FHL5: variants seen among roughly 807,000 people sequenced by gnomAD.
The protein encoded by FHL5 is four and a half LIM domains 5.
A neutral mutation model predicts 32.0 loss-of-function variants in FHL5; 33 were observed. The ratio of observed to expected loss-of-function variants is 1.03; its 90% CI spans 0.78 to 1.38. The LOEUF (loss-of-function observed/expected upper bound fraction) is 1.38, where lower values mean the gene tolerates loss of function less well. Among genes scored for constraint, FHL5 ranks in the 40% most tolerant of loss-of-function variants. The pLI is 0.00. For synonymous variants in FHL5, 114 were observed against 113.6 expected (o/e 1.00, Z -0.02); for missense variants, 336 against 343.9 (o/e 0.98, Z 0.18).
intron 1 of FHL5, among the ~76,000 whole-genome samples, chr6:96,584,507 GA>G (rs2127964259): frequency 1.3e-5 from 2 of 151,494 alleles, no homozygotes; most frequent in South Asian, 4.2e-4. Context: ...CTGGGGTGGG[GA>G]AAGGGCTGGA....
In FHL5 at chr6:96,573,146, G is replaced by A. The variant is rs371456123; in HGVS notation, c.-13+9791G>A. ...CATATTTTCATTCATTTATTGATCAGTTAGATCAAGCCAATATAAACCTAC... is the reference window on the plus strand; with the variant it reads ...CATATTTTCATTCATTTATTGATCAATTAGATCAAGCCAATATAAACCTAC... On this transcript the variant is annotated intron_variant, in intron 1 of 5. Transcript: ENST00000450218. 8.1e-4 allele frequency among the ~76,000 whole-genome samples: 124 copies of A among 152,188 alleles called. No homozygotes were observed. The South Asian group carries it at 0.024, about 30-fold the overall frequency.
chr6:96,617,989 G>T lies in FHL5; in HGVS notation c.*2217G>T, dbSNP rs112680291. ...AAAGTTAGAGCTTATACTGTTGTGGGTCTGGAGTTGTAGGAGGATGGATCA... is the reference window on the plus strand; with the variant it reads ...AAAGTTAGAGCTTATACTGTTGTGGTTCTGGAGTTGTAGGAGGATGGATCA... On this transcript the variant is annotated 3_prime_UTR_variant, in exon 6 of 6. Coordinates refer to ENST00000450218, the MANE Select transcript of FHL5 (RefSeq NM_001322466.2). Among the ~76,000 whole-genome samples the T allele has an allele frequency of 2.1e-3, 316 of 152,246 alleles. 1 individual carries two copies. Among genetic ancestry groups the T allele is most frequent in the African/African-American group, 4.8e-3 (199 of 41,544 alleles).
At chr6:96,612,256 A>G (rs1401311921) in intron 5 of FHL5, among the ~76,000 whole-genome samples, 1 of 152,216 alleles carries the variant, frequency 6.6e-6, no homozygotes, top group Non-Finnish European at 1.5e-5. Context: ...TAGTTAGAAA[A>G]TGGGACTTTC....
At chr6:96,566,873 T>C (rs997914035) in intron 1 of FHL5, among the ~76,000 whole-genome samples, 1 of 151,898 alleles carries the variant, frequency 6.6e-6, no homozygotes, top group African/African-American at 2.4e-5. Flanking sequence ...GCTCATTTTA[T>C]ATTATGAATA....
chr6:96,617,626 A>G lies in FHL5; in HGVS notation c.*1854A>G, dbSNP rs925831536. ...AACTAAATCTATGATATAGAAAATAATAGCACATTACACATAGAGAAAACC... is the reference window on the plus strand; with the variant it reads ...AACTAAATCTATGATATAGAAAATAGTAGCACATTACACATAGAGAAAACC... On this transcript the variant is annotated 3_prime_UTR_variant, in exon 6 of 6. Transcript: ENST00000450218. Among the ~76,000 whole-genome samples the G allele has an allele frequency of 1.6e-4, 24 of 152,222 alleles. No individual in the cohort carries two copies. The highest frequency in any genetic ancestry group is 1.6e-3 in the Admixed American group (24 of 15,290).
intron 1 of FHL5, among the ~76,000 whole-genome samples, chr6:96,600,756 CAAG>C (rs1771130978): frequency 2.0e-5 from 3 of 152,094 alleles, no homozygotes; most frequent in Admixed American, 6.5e-5. Context: ...TTTTTCTAAC[CAAG>C]AAGAAGAGGA....
Position 96,615,789 on chromosome 6 carries a change from A to G in FHL5, c.*17A>G. ...GACATCTAGGAGACAGTCCTTGCCC[A>G]CCTAAAATCCATTTTGCCTTCGTTG... On this transcript the variant is annotated 3_prime_UTR_variant, in exon 6 of 6. Transcript: ENST00000450218. The G allele has an allele frequency of 6.4e-7, 1 of 1,555,216 alleles. No individual in the cohort carries two copies. The highest frequency in any genetic ancestry group is 8.7e-7 in the Non-Finnish European group (1 of 1,149,470).
chr6:96,592,255 G>T (rs1176090247), intron 1 of FHL5, among the ~76,000 whole-genome samples: 1 of 152,130 alleles, frequency 6.6e-6, no homozygotes, highest in African/African-American at 2.4e-5. Context: ...GGCCATTGTA[G>T]AGGCCCACCC....
chr6:96,602,426 CTTTTTTTT>C (rs1168636713), intron 1 of FHL5, among the ~76,000 whole-genome samples: 73 of 33,676 alleles, frequency 2.2e-3, no homozygotes, highest in African/African-American at 3.0e-3. Flanking sequence ...TGCGTTGTTT[CTTTTTTTT>C]TTTTTTTTTT....
intron 1 of FHL5, among the ~76,000 whole-genome samples, chr6:96,568,185 G>A (rs1207991766): frequency 6.6e-6 from 1 of 151,678 alleles, no homozygotes; most frequent in African/African-American, 2.4e-5. Flanking sequence ...TTATCATGAG[G>A]GGATGTTGAA....
rs757911073 is a variant in FHL5, at chr6:96,564,015, A to G, written c.-13+660A>G. On this transcript the variant is annotated intron_variant, in intron 1 of 5. Transcript: ENST00000450218. ...AGGTAGTGTTATTCAGGCAAAAAGC[A>G]TACATCCCATATGTGTTAATGCTTT... Among the ~76,000 whole-genome samples, 30 of 152,332 alleles carry G rather than the reference A, an allele frequency of 2.0e-4. 1 individual carries two copies. In the Middle Eastern group the frequency reaches 0.027, roughly 138 times the overall value.
rs756990851 is a variant in FHL5, at chr6:96,616,664, G to C, written c.*892G>C. ...CTTGTGGAAATGAGTTTTAGGGAAG[G>C]GATTGAGTCTTGGAACATGACTTTC... On this transcript the variant is annotated 3_prime_UTR_variant, in exon 6 of 6. Transcript: ENST00000450218. 9.2e-5 allele frequency: 14 copies of C among 152,104 alleles called. No individual in the cohort carries two copies. The highest frequency in any genetic ancestry group is 1.9e-4 in the Non-Finnish European group (13 of 68,024). 9.4% of individuals were successfully genotyped at this position (152,104 alleles called of 1,614,324 possible).
chr6:96,600,984 C>A (rs1298213290), intron 1 of FHL5, among the ~76,000 whole-genome samples: 1 of 152,194 alleles, frequency 6.6e-6, no homozygotes, highest in Non-Finnish European at 1.5e-5. Flanking sequence ...TCTGTTCTCA[C>A]CCTACCCAAC....
chr6:96,572,755 T>C (rs147408214), intron 1 of FHL5, among the ~76,000 whole-genome samples: 1 of 152,174 alleles, frequency 6.6e-6, no homozygotes, highest in Non-Finnish European at 1.5e-5. Context: ...AGGGTGTTGA[T>C]GGAGATTGTT....
chr6:96,585,066 C>A (rs928516887), intron 1 of FHL5, among the ~76,000 whole-genome samples: 1 of 152,104 alleles, frequency 6.6e-6, no homozygotes, highest in Non-Finnish European at 1.5e-5. Flanking sequence ...ACCTTTTGCC[C>A]TTAAGAGCAA....
intron 1 of FHL5, among the ~76,000 whole-genome samples, chr6:96,588,314 A>T (rs558878166): frequency 6.6e-6 from 1 of 152,178 alleles, no homozygotes; most frequent in African/African-American, 2.4e-5. Flanking sequence ...AGGTTCAAGC[A>T]ATTCTCCTGC....
At chr6:96,601,845 G>A (rs1562062240) in intron 1 of FHL5, among the ~76,000 whole-genome samples, 1 of 152,168 alleles carries the variant, frequency 6.6e-6, no homozygotes, top group Admixed American at 6.5e-5. Flanking sequence ...CTATTTTCCT[G>A]CTGTTTCCAA....
At chr6:96,587,312 T>C (rs925988283) in intron 1 of FHL5, among the ~76,000 whole-genome samples, 3 of 152,192 alleles carry the variant, frequency 2.0e-5, no homozygotes, top group Non-Finnish European at 4.4e-5. Flanking sequence ...CCGACTTGGT[T>C]CCTTCTGACT....
chr6:96,594,512 A>G (rs1420205563), intron 1 of FHL5, among the ~76,000 whole-genome samples: 1 of 151,734 alleles, frequency 6.6e-6, no homozygotes, highest in East Asian at 1.9e-4. Context: ...AGTATTAAAG[A>G]AAACTATATT....
Sources: gnomAD v4.1 joint callset for allele counts (sites outside exome capture counted in the v4.1 genomes callset) on GRCh38, gnomAD v4.1.1 for gene constraint, MANE v1.5 for transcripts, NCBI Gene and HGNC (gene_info 2026-07-23, HGNC 2026-07-21) for gene names.